The following SLA variants were observed in gnomAD, a reference collection of about 807,000 sequenced individuals.
SLA encodes the protein src-like-adapter.
SLA carries 16 observed loss-of-function variants against 30.3 expected under a neutral mutation model. That is an observed-to-expected ratio of 0.53 (90% CI 0.36 to 0.80). The LOEUF is 0.80. Ranked by LOEUF, SLA falls within the 30% of genes least tolerant of loss-of-function variation. The pLI, the probability that SLA is intolerant of heterozygous loss-of-function variation, is 0.01. For synonymous variants in SLA, 143 were observed against 137.8 expected (o/e 1.04, Z -0.26); for missense variants, 310 against 345.2 (o/e 0.90, Z 0.81).
chr8:133,100,202 G>A (rs1010576883), intron 1 of SLA, among the ~76,000 whole-genome samples: 30 of 152,274 alleles, frequency 2.0e-4, no homozygotes, highest in Admixed American at 1.5e-3. Context: ...CTTCTGGAAT[G>A]TTCTTCCCAG....
At chr8:133,049,564 A>G (rs1587882449) in intron 5 of SLA, 1 of 314,214 alleles carries the variant, frequency 3.2e-6, no homozygotes, top group Non-Finnish European at 6.2e-6. Context: ...CAGAGGCAGG[A>G]TTTGAACCTA....
At chr8:133,090,651 G>T (rs1225503460) in intron 1 of SLA, among the ~76,000 whole-genome samples, 1 of 152,202 alleles carries the variant, frequency 6.6e-6, no homozygotes, top group African/African-American at 2.4e-5. Flanking sequence ...CCAACTTTGA[G>T]TGCAAATTAC....
intron 1 of SLA, chr8:133,096,233 T>C (rs767523971): frequency 6.2e-7 from 1 of 1,614,230 alleles, no homozygotes; most frequent in Admixed American, 1.7e-5. Flanking sequence ...CCCTTTCCAC[T>C]ACTGGGGTCC....
chr8:133,052,842 G>A (rs746473936), intron 3 of SLA, among the ~76,000 whole-genome samples: 3 of 152,240 alleles, frequency 2.0e-5, no homozygotes, highest in Non-Finnish European at 4.4e-5. Context: ...CTGCCCAGAA[G>A]CTGAGGCTGA....
chr8:133,058,383 C>T (rs1236697327), intron 3 of SLA, among the ~76,000 whole-genome samples: 1 of 152,170 alleles, frequency 6.6e-6, no homozygotes, highest in Non-Finnish European at 1.5e-5. Context: ...CTAGAGGTGA[C>T]CTCCCACCCA....
intron 5 of SLA, 101 bp downstream of exon 5, chr8:133,049,801 T>G (rs1221011324): frequency 1.2e-6 from 1 of 846,694 alleles, no homozygotes; most frequent in Non-Finnish European, 2.0e-6. Context: ...CTTGACCCAG[T>G]GCCTTCCTTA....
chr8:133,091,223 C>G (rs186413358), intron 1 of SLA, among the ~76,000 whole-genome samples: 12 of 152,330 alleles, frequency 7.9e-5, no homozygotes, highest in Admixed American at 6.5e-4. Flanking sequence ...ATTAACTCCT[C>G]GATTCCACGA....
intron 3 of SLA, among the ~76,000 whole-genome samples, chr8:133,052,055 A>G (rs1840503003): frequency 6.6e-6 from 1 of 152,182 alleles, no homozygotes; most frequent in African/African-American, 2.4e-5. Flanking sequence ...CAAGATCTGG[A>G]GAAATCCCAG....
intron 1 of SLA, among the ~76,000 whole-genome samples, chr8:133,091,826 G>A (rs183413432): frequency 2.9e-4 from 44 of 152,054 alleles, no homozygotes; most frequent in African/African-American, 1.0e-3. Flanking sequence ...GTGTATGCCT[G>A]TGAGTTTTAT....
At chr8:133,042,159 G>A (rs567399385) in intron 7 of SLA, among the ~76,000 whole-genome samples, 13 of 152,222 alleles carry the variant, frequency 8.5e-5, no homozygotes, top group East Asian at 1.9e-4. Flanking sequence ...ACTCAGGGCC[G>A]TAGAAATGTG....
At chr8:133,047,987 A>T in intron 5 of SLA, 54 bp from the exon 6 acceptor site, 1 of 1,104,832 alleles carries the variant, frequency 9.1e-7, no homozygotes, top group African/African-American at 1.5e-5. Flanking sequence ...CCCCCAGGAA[A>T]GGCAGGAATG....
At chr8:133,055,681 G>T (rs868062047) in intron 3 of SLA, among the ~76,000 whole-genome samples, 2 of 152,170 alleles carry the variant, frequency 1.3e-5, no homozygotes, top group South Asian at 2.1e-4. Context: ...TATAGGCAGG[G>T]CTAGCACAGA....
chr8:133,094,263 T>TTTTC (rs1848066170), intron 1 of SLA, among the ~76,000 whole-genome samples: 2 of 144,044 alleles, frequency 1.4e-5, no homozygotes, highest in Non-Finnish European at 3.0e-5. Flanking sequence ...TTTTTTTTGA[T>TTTTC]GGAGTCTTGC....
At chr8:133,076,398 A>T (rs1460986841) in intron 1 of SLA, among the ~76,000 whole-genome samples, 12 of 152,236 alleles carry the variant, frequency 7.9e-5, no homozygotes, top group Non-Finnish European at 1.5e-5. Flanking sequence ...TTCTAAATTT[A>T]GCAGGCAGGC....
Position 133,037,230 on chromosome 8 carries a change from T to C in SLA, c.*1294A>G, listed in dbSNP as rs559653251. On this transcript the variant is annotated 3_prime_UTR_variant, in exon 9 of 9. Coordinates refer to ENST00000338087, the MANE Select transcript of SLA (RefSeq NM_001045556.3). Reference sequence around the variant, plus strand: ...CATCTGCAGCCCACTCTCTTCCTAGTAGGATTTGGATGGGAGCTTCTCCTT... The same window carrying C: ...CATCTGCAGCCCACTCTCTTCCTAGCAGGATTTGGATGGGAGCTTCTCCTT... 6 of 152,330 alleles carry C rather than the reference T, an allele frequency of 3.9e-5. 1 individual carries two copies. Among genetic ancestry groups the C allele is most frequent in the Middle Eastern group, 3.4e-3 (1 of 294 alleles). 9.4% of individuals were successfully genotyped at this position (152,330 alleles called of 1,614,324 possible).
At chr8:133,048,858 C>T in intron 5 of SLA, 1 of 185,230 alleles carries the variant, frequency 5.4e-6, no homozygotes. Context: ...TAAAATTAAA[C>T]TCGCAGAATT....
intron 1 of SLA, among the ~76,000 whole-genome samples, chr8:133,095,569 C>T (rs1019104492): frequency 6.6e-6 from 1 of 152,232 alleles, no homozygotes; most frequent in African/African-American, 2.4e-5. Context: ...TAACAGGTCA[C>T]AGCTAGATGT....
intron 7 of SLA, among the ~76,000 whole-genome samples, chr8:133,042,836 G>A (rs1838566297): frequency 6.6e-6 from 1 of 151,716 alleles, no homozygotes; most frequent in Admixed American, 6.6e-5. Context: ...TGGGATTACA[G>A]GCGCCCACCA....
chr8:133,075,825 G>A (rs748344601), intron 1 of SLA, among the ~76,000 whole-genome samples: 15 of 152,026 alleles, frequency 9.9e-5, no homozygotes, highest in Admixed American at 3.9e-4. Context: ...GAAGGCAAAC[G>A]GGACAAAATG....
Sources: gnomAD v4.1 joint callset for allele counts (sites outside exome capture counted in the v4.1 genomes callset) on GRCh38, gnomAD v4.1.1 for gene constraint, MANE v1.5 for transcripts, NCBI Gene and HGNC (gene_info 2026-07-23, HGNC 2026-07-21) for gene names.